The following LARGE1 variants were observed in gnomAD, a reference collection of about 807,000 sequenced individuals.
LARGE1 encodes the protein LARGE xylosyl- and glucuronyltransferase 1.
A neutral mutation model predicts 87.6 loss-of-function variants in LARGE1; 43 were observed. The ratio of observed to expected loss-of-function variants is 0.49; its 90% confidence interval spans 0.38 to 0.63. LARGE1 has a LOEUF of 0.63. Among genes scored for constraint, LARGE1 ranks in the 30% least tolerant of loss-of-function variants. The pLI, the probability that LARGE1 is intolerant of heterozygous loss-of-function variation, is 0.00. For missense variants in LARGE1, 802 were observed against 1,000.2 expected (o/e 0.80, Z 2.67); for synonymous variants, 434 against 394.6 (o/e 1.10, Z -1.18).
intron 3 of LARGE1, among the ~76,000 whole-genome samples, chr22:33,644,706 A>G (rs1299441429): frequency 6.6e-6 from 1 of 152,246 alleles, no homozygotes; most frequent in Non-Finnish European, 1.5e-5. Flanking sequence ...AAGCAACTTC[A>G]GCAAAATCTC....
At chr22:33,635,335 T>C (rs1269750193) in intron 3 of LARGE1, among the ~76,000 whole-genome samples, 1 of 152,146 alleles carries the variant, frequency 6.6e-6, no homozygotes, top group Non-Finnish European at 1.5e-5. Context: ...GCAGTTCTGC[T>C]GTTCAGCCTG....
intron 1 of LARGE1, among the ~76,000 whole-genome samples, chr22:33,912,558 G>A (rs1051148599): frequency 4.6e-5 from 7 of 152,030 alleles, no homozygotes; most frequent in African/African-American, 1.2e-4. Context: ...CTCCATCTGC[G>A]TCTGCTGCCT....
At chr22:33,299,162 A>G (rs1933791066) in intron 12 of LARGE1, among the ~76,000 whole-genome samples, 1 of 152,118 alleles carries the variant, frequency 6.6e-6, no homozygotes, top group Non-Finnish European at 1.5e-5. Flanking sequence ...GCGGTGAGCC[A>G]TGATTGCACC....
chr22:33,166,614 G>C, exon 12 of LARGE1: 1 of 393,048 alleles, frequency 2.5e-6, no homozygotes, highest in East Asian at 7.2e-5. Flanking sequence ...TGTTCACCTG[G>C]CATGTACCAC....
chr22:33,237,495 A>G (rs1926309094), intron 11 of LARGE1, among the ~76,000 whole-genome samples: 2 of 151,346 alleles, frequency 1.3e-5, no homozygotes, highest in Admixed American at 1.3e-4. Context: ...AAGAAGAATT[A>G]CTCCCCCTGA....
At chr22:33,779,109 G>T (rs2085338726) in intron 1 of LARGE1, among the ~76,000 whole-genome samples, 2 of 152,164 alleles carry the variant, frequency 1.3e-5, no homozygotes, top group African/African-American at 4.8e-5. Flanking sequence ...TGTTTGAGAT[G>T]AATGCCTTTT....
chr22:33,303,525 AC>A (rs1210115612), intron 12 of LARGE1, among the ~76,000 whole-genome samples: 3 of 152,128 alleles, frequency 2.0e-5, no homozygotes, highest in African/African-American at 7.2e-5. Flanking sequence ...CATCATCATC[AC>A]TTAGATTTGT....
At chr22:33,357,111 A>G (rs1301070648) in intron 9 of LARGE1, among the ~76,000 whole-genome samples, 2 of 152,250 alleles carry the variant, frequency 1.3e-5, no homozygotes, top group African/African-American at 4.8e-5. Flanking sequence ...ATACAGAGTC[A>G]GCCTAAGTGT....
rs1394096778 is a variant in LARGE1 at position 33,170,660 on chromosome 22, ATG to A, written c.1731-3830_1731-3829del. 2.6e-5 allele frequency among the ~76,000 whole-genome samples: 4 copies of A among 152,262 alleles called. No individual in the cohort carries two copies. In the South Asian group the frequency reaches 6.2e-4, roughly 24 times the overall value. On this transcript the variant is annotated intron_variant, in intron 11 of 11. Coordinates refer to the LARGE1 transcript ENST00000608642. ...ACTTGCTTCCCCTTTGCCTTCTGCC[ATG>A]AGTGTGAGTTTCCTGAGGCCTCCCC...
chr22:33,087,704 G>A, the LARGE1 span, among the ~76,000 whole-genome samples: 36 of 152,310 alleles, frequency 2.4e-4, no homozygotes, highest in African/African-American at 7.0e-4. Flanking sequence ...GGAGGCCAAG[G>A]CAGGTGGATC....
At chr22:33,335,444 A>G (rs1229553579) in intron 10 of LARGE1, among the ~76,000 whole-genome samples, 1 of 152,218 alleles carries the variant, frequency 6.6e-6, no homozygotes, top group Middle Eastern at 3.2e-3. Flanking sequence ...CACTGTGACC[A>G]GGGTCATCCT....
In LARGE1 at chr22:33,641,927, G is replaced by A. The variant is rs141631060; in HGVS notation, c.408+8440C>T. 2.6e-3 allele frequency among the ~76,000 whole-genome samples: 402 copies of A among 152,254 alleles called. 6 individuals carry two copies. The highest frequency in any genetic ancestry group is 9.4e-3 in the African/African-American group (389 of 41,552). On this transcript the variant is annotated intron_variant, in intron 3 of 14. Coordinates refer to ENST00000397394, the MANE Select transcript of LARGE1 (RefSeq NM_133642.5). ...TTTATTGGTGTACCTGAAAGTGACC[G>A]AGAGAATGGAACCAAGTTGGAAAAC...
rs543094369 is a variant in LARGE1 at position 33,757,802 on chromosome 22, G to T, written c.106+3569C>A. Among the ~76,000 whole-genome samples, 322 of 152,298 alleles carry T rather than the reference G, an allele frequency of 2.1e-3. 2 individuals carry two copies. Among genetic ancestry groups the T allele is most frequent in the African/African-American group, 7.5e-3 (312 of 41,564 alleles). On this transcript the variant is annotated intron_variant, in intron 2 of 14. Coordinates refer to ENST00000397394, the MANE Select transcript of LARGE1 (RefSeq NM_133642.5). ...TCAATAAATGGATTGTAACGTTGTT[G>T]TGATGTTTAATTACAAAGAAAATAA...
At chr22:33,372,843 C>T (rs904878011) in intron 9 of LARGE1, among the ~76,000 whole-genome samples, 7 of 151,726 alleles carry the variant, frequency 4.6e-5, no homozygotes, top group Middle Eastern at 3.2e-3. Flanking sequence ...AAGGTTGCCT[C>T]GAAAAGTATA....
chr22:33,353,983 A>G (rs1373997729), intron 9 of LARGE1, among the ~76,000 whole-genome samples: 1 of 152,238 alleles, frequency 6.6e-6, no homozygotes, highest in Non-Finnish European at 1.5e-5. Context: ...AATACTTTCT[A>G]ATGACATGAG....
intron 11 of LARGE1, among the ~76,000 whole-genome samples, chr22:33,232,627 C>T (rs895129945): frequency 6.6e-6 from 1 of 152,166 alleles, no homozygotes; most frequent in Non-Finnish European, 1.5e-5. Flanking sequence ...CTTTTGCCTT[C>T]CAGCTCCTGG....
intron 11 of LARGE1, among the ~76,000 whole-genome samples, chr22:33,206,387 T>C (rs68072541): frequency 0.26 from 39,377 of 152,182 alleles, 5,474 homozygotes; most frequent in South Asian, 0.4. Context: ...CCACCGTGAC[T>C]GACCAAATTG....
At chr22:33,842,322 T>TA (rs2063304267) in intron 1 of LARGE1, among the ~76,000 whole-genome samples, 2 of 152,184 alleles carry the variant, frequency 1.3e-5, no homozygotes, top group Non-Finnish European at 2.9e-5. Context: ...CATTTTTTAA[T>TA]AAAAAATTAA....
chr22:33,212,144 A>AT (rs1406239719), intron 11 of LARGE1, among the ~76,000 whole-genome samples: 1 of 151,316 alleles, frequency 6.6e-6, no homozygotes, highest in African/African-American at 2.4e-5. Flanking sequence ...TAAACAACAG[A>AT]TTTTCAAGGT....
Sources: gnomAD v4.1 joint callset for allele counts (sites outside exome capture counted in the v4.1 genomes callset) on GRCh38, gnomAD v4.1.1 for gene constraint, MANE v1.5 for transcripts, NCBI Gene and HGNC (gene_info 2026-07-23, HGNC 2026-07-21) for gene names.